KIF26B: variants seen among roughly 807,000 people sequenced by gnomAD.
KIF26B encodes the protein kinesin-like protein KIF26B.
A neutral mutation model predicts 151.2 loss-of-function variants in KIF26B; 63 were observed. The ratio of observed to expected loss-of-function variants is 0.42; its 90% CI spans 0.34 to 0.51. The LOEUF (loss-of-function observed/expected upper bound fraction) is 0.51. Among genes scored for constraint, KIF26B ranks in the 20% least tolerant of loss-of-function variants. The pLI is 0.07. For synonymous variants in KIF26B, 1,357 were observed against 1,262.1 expected (o/e 1.08, Z -1.59); for missense variants, 2,813 against 2,913.6 (o/e 0.97, Z 0.79).
At chr1:245,649,804 G>A (rs1437823714) in intron 10 of KIF26B, among the ~76,000 whole-genome samples, 1 of 152,058 alleles carries the variant, frequency 6.6e-6, no homozygotes, top group East Asian at 1.9e-4. Flanking sequence ...TGCACAGAGG[G>A]GCTGTAGCCT....
At chr1:245,460,161 T>C (rs1402054996) in intron 4 of KIF26B, among the ~76,000 whole-genome samples, 5 of 152,210 alleles carry the variant, frequency 3.3e-5, no homozygotes, top group African/African-American at 1.2e-4. Flanking sequence ...GAGACAGGGT[T>C]TCACCATGTT....
chr1:245,388,835 A>G (rs139823084), intron 3 of KIF26B, among the ~76,000 whole-genome samples: 3 of 152,316 alleles, frequency 2.0e-5, no homozygotes, highest in Admixed American at 1.3e-4. Context: ...GACCAGCCCA[A>G]GGACTATTTC....
At chr1:245,619,127 G>A (rs1715799) in intron 9 of KIF26B, among the ~76,000 whole-genome samples, 14,690 of 138,156 alleles carry the variant, frequency 0.11, 513 homozygotes, top group Middle Eastern at 0.16. Context: ...TGTCTGCTGC[G>A]TGCTGTTGGT....
At chr1:245,588,979 C>T (rs150225784) in intron 5 of KIF26B, among the ~76,000 whole-genome samples, 25 of 152,318 alleles carry the variant, frequency 1.6e-4, no homozygotes, top group African/African-American at 6.0e-4. Context: ...TTCTCTGTTC[C>T]TCCTTCTGAC....
At chr1:245,536,992 G>T (rs1001438395) in intron 4 of KIF26B, among the ~76,000 whole-genome samples, 1 of 152,168 alleles carries the variant, frequency 6.6e-6, no homozygotes, top group African/African-American at 2.4e-5. Flanking sequence ...TCAGAGTTTT[G>T]CTTGGGTTCA....
At chr1:245,685,161 C>G (rs1016146812) in intron 11 of KIF26B, among the ~76,000 whole-genome samples, 14 of 152,252 alleles carry the variant, frequency 9.2e-5, no homozygotes, top group Admixed American at 3.3e-4. Flanking sequence ...TGGATGGTCA[C>G]CCCCTTTCCT....
chr1:245,354,703 G>C (rs752201103), intron 2 of KIF26B, among the ~76,000 whole-genome samples: 1 of 152,222 alleles, frequency 6.6e-6, no homozygotes, highest in Non-Finnish European at 1.5e-5. Context: ...CAACGGAAGA[G>C]AGCATGCTGT....
chr1:245,361,092 G>A (rs940260148), intron 2 of KIF26B, among the ~76,000 whole-genome samples: 6 of 152,268 alleles, frequency 3.9e-5, no homozygotes, highest in South Asian at 2.1e-4. Flanking sequence ...ATCATGTTAC[G>A]TTCTAATTAA....
chr1:245,251,659 T>C (rs1049287399), intron 2 of KIF26B, among the ~76,000 whole-genome samples: 3 of 152,224 alleles, frequency 2.0e-5, no homozygotes, highest in Non-Finnish European at 4.4e-5. Context: ...CAGTTGTTTC[T>C]GCACTGTTTA....
chr1:245,450,066 C>T (rs567692742), intron 4 of KIF26B, among the ~76,000 whole-genome samples: 23 of 152,146 alleles, frequency 1.5e-4, no homozygotes, highest in Non-Finnish European at 2.9e-4. Context: ...CCAGCATTGT[C>T]GTCTGAACTA....
rs1201786167 is a variant in KIF26B at position 245,688,210 on chromosome 1, C to T, written c.5227C>T (p.Pro1743Ser). The T allele has an allele frequency of 6.9e-6, 11 of 1,590,172 alleles. No homozygotes were observed. The highest frequency in any genetic ancestry group is 5.1e-5 in the Admixed American group (3 of 59,362). ...SAVSRLLLAS[P>S]RARGPSASTT... is the part of the protein sequence containing the mutation. ...CGTGAGCAGACTCCTCCTGGCCAGC[C>T]CCAGAGCGCGCGGCCCGTCCGCCTC... The change falls in exon 12 of 15, where the codon CCC (proline) becomes TCC (serine). Residue 1743 changes from proline (P) to serine (S), a missense_variant. Physicochemically the swap from Pro to Ser is moderately conservative, Grantham distance 74. Coordinates refer to ENST00000407071, the MANE Select transcript of KIF26B (RefSeq NM_018012.4).
chr1:245,530,252 C>T (rs1228939538), intron 4 of KIF26B, among the ~76,000 whole-genome samples: 1 of 152,172 alleles, frequency 6.6e-6, no homozygotes, highest in Non-Finnish European at 1.5e-5. Flanking sequence ...ATTAGTACAA[C>T]CACTGTAGAG....
chr1:245,577,557 G>C (rs989000714), intron 5 of KIF26B, among the ~76,000 whole-genome samples: 1 of 151,866 alleles, frequency 6.6e-6, no homozygotes, highest in Non-Finnish European at 1.5e-5. Flanking sequence ...ACATGGAAGA[G>C]CTTTGTTGAA....
At position 245,698,098 on chromosome 1, in the gene KIF26B, C is replaced by T. The variant is rs749201558; in HGVS notation, c.5825-8C>T. On this transcript the variant is annotated splice_polypyrimidine_tract_variant and splice_region_variant and intron_variant, in intron 12 of 14. Coordinates refer to ENST00000407071, the MANE Select transcript of KIF26B (RefSeq NM_018012.4). This position sits in a 1 kb window ranked among gnomAD's most constrained non-coding sequence, Gnocchi z 4.0. ...AGACTAACTCTCTGGGCTTATCCCCCTCCTCAGGTTCTCAGAGACGGAGGC... is the reference window on the plus strand; with the variant it reads ...AGACTAACTCTCTGGGCTTATCCCCTTCCTCAGGTTCTCAGAGACGGAGGC... 1.9e-6 allele frequency: 3 copies of T among 1,611,176 alleles called. No homozygotes were observed. The Admixed American group carries it at 5.0e-5, about 27-fold the overall frequency.
intron 5 of KIF26B, among the ~76,000 whole-genome samples, chr1:245,583,170 G>A (rs1023972408): frequency 6.6e-6 from 1 of 151,954 alleles, no homozygotes; most frequent in South Asian, 2.1e-4. Context: ...TTTCATATCC[G>A]GAGCATTCCC....
chr1:245,613,976 G>A (rs1456007959), intron 9 of KIF26B, among the ~76,000 whole-genome samples: 1 of 152,146 alleles, frequency 6.6e-6, no homozygotes, highest in Non-Finnish European at 1.5e-5. Context: ...CTAGCCCCTG[G>A]CAACCACGGA....
At chr1:245,666,637 T>C (rs1389477246) in intron 10 of KIF26B, among the ~76,000 whole-genome samples, 1 of 152,146 alleles carries the variant, frequency 6.6e-6, no homozygotes, top group Non-Finnish European at 1.5e-5. Flanking sequence ...TCCCAAAGGC[T>C]AACACATAGG....
intron 5 of KIF26B, among the ~76,000 whole-genome samples, chr1:245,596,142 TTG>T (rs1227641636): frequency 1.3e-5 from 2 of 152,196 alleles, no homozygotes; most frequent in African/African-American, 2.4e-5. Flanking sequence ...GAAGGATTTT[TTG>T]TGTCTCTATT....
At chr1:245,647,449 A>G (rs574693099) in intron 10 of KIF26B, among the ~76,000 whole-genome samples, 370 of 150,644 alleles carry the variant, frequency 2.5e-3, no homozygotes, top group African/African-American at 8.8e-3. Flanking sequence ...AAAAAGAAAA[A>G]AAAGAAAATT....
Sources: allele counts gnomAD v4.1 joint callset (sites outside exome capture counted in the v4.1 genomes callset), GRCh38; gene constraint gnomAD v4.1.1; non-coding constraint Gnocchi (gnomAD v3.1); transcripts MANE v1.5; gene names NCBI Gene and HGNC (gene_info 2026-07-23, HGNC 2026-07-21).